Variants in NAALADL2 observed in about 807,000 individuals in gnomAD.
NAALADL2 encodes the protein inactive N-acetylated-alpha-linked acidic dipeptidase-like protein 2.
NAALADL2 carries 76 observed loss-of-function variants against 87.2 expected under a neutral mutation model. The ratio of observed to expected loss-of-function variants is 0.87; its 90% confidence interval spans 0.72 to 1.05. The LOEUF (loss-of-function observed/expected upper bound fraction) is 1.05, where lower values mean the gene tolerates loss of function less well. NAALADL2 is among the 50% of genes least tolerant of loss of function. The pLI, the probability that NAALADL2 is intolerant of heterozygous loss-of-function variation, is 0.00. For synonymous variants in NAALADL2, 354 were observed against 331.0 expected, an observed-to-expected ratio of 1.07 and a Z score of -0.75; for missense variants, 1,089 against 945.8, an observed-to-expected ratio of 1.15 and a Z score of -1.99.
At chr3:174,502,170 C>T (rs1718939921) in intron 1 of NAALADL2, among the ~76,000 whole-genome samples, 1 of 152,122 alleles carries the variant, frequency 6.6e-6, no homozygotes, top group South Asian at 2.1e-4. Flanking sequence ...TTTTCCCTCC[C>T]ATTATTTTCC....
chr3:174,839,367 C>A (rs1347497358), intron 3 of NAALADL2, among the ~76,000 whole-genome samples: 1 of 152,070 alleles, frequency 6.6e-6, no homozygotes, highest in Non-Finnish European at 1.5e-5. Context: ...GGACTTAAAC[C>A]TAAGACTTGA....
intron 9 of NAALADL2, among the ~76,000 whole-genome samples, chr3:175,492,623 C>T (rs192919959): frequency 1.2e-4 from 18 of 152,186 alleles, no homozygotes; most frequent in Admixed American, 1.2e-3. Flanking sequence ...ATTAATAGAT[C>T]GTTCACATTC....
chr3:175,090,986 T>C (rs1402535907), intron 1 of NAALADL2, among the ~76,000 whole-genome samples: 2 of 151,310 alleles, frequency 1.3e-5, no homozygotes, highest in Non-Finnish European at 2.9e-5. Flanking sequence ...AAAAAAAATA[T>C]CATTATACTG....
intron 10 of NAALADL2, among the ~76,000 whole-genome samples, chr3:175,584,978 T>C (rs1020306167): frequency 2.6e-5 from 4 of 152,156 alleles, no homozygotes; most frequent in African/African-American, 9.6e-5. Flanking sequence ...TCTTTAGTAA[T>C]AAATAACCTT....
At chr3:174,476,373 T>A (rs1440912214) in intron 1 of NAALADL2, among the ~76,000 whole-genome samples, 1 of 151,910 alleles carries the variant, frequency 6.6e-6, no homozygotes, top group African/African-American at 2.4e-5. Context: ...GTTCCTGTGT[T>A]GTGCTGTTAT....
At chr3:174,643,527 G>A (rs1227737276) in intron 2 of NAALADL2, among the ~76,000 whole-genome samples, 8 of 151,966 alleles carry the variant, frequency 5.3e-5, no homozygotes, top group Admixed American at 2.0e-4. Context: ...GGTGGTGGGC[G>A]CCTGTAATCC....
chr3:174,537,229 G>T (rs994255753), intron 1 of NAALADL2, among the ~76,000 whole-genome samples: 1 of 152,046 alleles, frequency 6.6e-6, no homozygotes, highest in African/African-American at 2.4e-5. Flanking sequence ...TTGGAAAAAA[G>T]ACAACTAATT....
intron 1 of NAALADL2, among the ~76,000 whole-genome samples, chr3:174,489,755 T>C (rs1339060211): frequency 6.6e-6 from 1 of 152,028 alleles, no homozygotes; most frequent in African/African-American, 2.4e-5. Flanking sequence ...GGGAATTGCA[T>C]ATCAAAGCCA....
chr3:174,842,465 C>A (rs1206806792), intron 3 of NAALADL2, among the ~76,000 whole-genome samples: 1 of 152,114 alleles, frequency 6.6e-6, no homozygotes, highest in Non-Finnish European at 1.5e-5. Flanking sequence ...TAGTTTTGTG[C>A]TACTGGAACT....
chr3:175,343,197 C>T (rs1358788597), intron 5 of NAALADL2, among the ~76,000 whole-genome samples: 1 of 151,740 alleles, frequency 6.6e-6, no homozygotes, highest in Non-Finnish European at 1.5e-5. Flanking sequence ...AATACCTTTC[C>T]CCTCTACCTA....
intron 1 of NAALADL2, among the ~76,000 whole-genome samples, chr3:174,875,148 A>T (rs1377750699): frequency 2.1e-5 from 3 of 145,922 alleles, no homozygotes; most frequent in Non-Finnish European, 1.5e-5. Flanking sequence ...AAAAATCACG[A>T]TTGGCGAAAA....
At chr3:174,497,308 A>T (rs1718606020) in intron 1 of NAALADL2, among the ~76,000 whole-genome samples, 2 of 152,198 alleles carry the variant, frequency 1.3e-5, no homozygotes, top group South Asian at 4.1e-4. Flanking sequence ...CTTACTTTAT[A>T]CTTAGCTTAG....
intron 1 of NAALADL2, among the ~76,000 whole-genome samples, chr3:175,033,274 T>G (rs1480760898): frequency 6.6e-6 from 1 of 152,074 alleles, no homozygotes; most frequent in Non-Finnish European, 1.5e-5. Flanking sequence ...AGAACTTTTT[T>G]GCCCACCCAC....
intron 10 of NAALADL2, among the ~76,000 whole-genome samples, chr3:175,618,604 C>T (rs1304457433): frequency 6.6e-6 from 1 of 152,104 alleles, no homozygotes; most frequent in Non-Finnish European, 1.5e-5. Flanking sequence ...GCTTATTCAT[C>T]TGGAAAGAGA....
At chr3:175,454,542 G>T in intron 6 of NAALADL2, among the ~76,000 whole-genome samples, 1 of 151,926 alleles carries the variant, frequency 6.6e-6, no homozygotes, top group East Asian at 1.9e-4. Context: ...TCTGACCTTT[G>T]CATCTCACGA....
chr3:175,506,835 G>A (rs1730393706), intron 9 of NAALADL2, among the ~76,000 whole-genome samples: 1 of 152,132 alleles, frequency 6.6e-6, no homozygotes, highest in Non-Finnish European at 1.5e-5. Context: ...TCACATGTTA[G>A]AGGTCATAGT....
At chr3:175,630,829 T>C (rs1215465635) in intron 11 of NAALADL2, among the ~76,000 whole-genome samples, 3 of 151,546 alleles carry the variant, frequency 2.0e-5, no homozygotes, top group African/African-American at 7.3e-5. Flanking sequence ...TTCTCAGTTA[T>C]CAATTATGAC....
intron 1 of NAALADL2, among the ~76,000 whole-genome samples, chr3:174,550,106 T>A (rs963722419): frequency 1.4e-4 from 21 of 152,124 alleles, no homozygotes; most frequent in Admixed American, 3.3e-4. Flanking sequence ...ATTTTCAGAT[T>A]GGTTAAATGT....
At chr3:174,987,816 A>ATATATATATAAT (rs1746166573) in intron 1 of NAALADL2, among the ~76,000 whole-genome samples, 4 of 136,116 alleles carry the variant, frequency 2.9e-5, no homozygotes, top group Admixed American at 7.2e-5. Flanking sequence ...ATATAATTAT[A>ATATATATATAAT]TATATATATA....
Sources: allele counts gnomAD v4.1 joint callset (sites outside exome capture counted in the v4.1 genomes callset), GRCh38; gene constraint gnomAD v4.1.1; transcripts MANE v1.5; gene names NCBI Gene and HGNC (gene_info 2026-07-23, HGNC 2026-07-21).